CSMD1: variants seen among roughly 807,000 people sequenced by gnomAD.
The protein encoded by CSMD1 is CUB and Sushi multiple domains 1.
CSMD1 carries 213 observed loss-of-function variants against 417.5 expected under a neutral mutation model. The observed-to-expected ratio is 0.51, with a 90% CI of 0.46 to 0.57. The LOEUF is 0.57. Ranked by LOEUF, CSMD1 falls within the 20% of genes least tolerant of loss-of-function variation. CSMD1 has a pLI of 0.00. For missense variants in CSMD1, 6,923 were observed against 4,529.7 expected (o/e 1.53, Z -15.17); for synonymous variants, 2,862 against 1,736.8 (o/e 1.65, Z -16.11).
chr8:4,797,354 G>A (rs1226134528), intron 1 of CSMD1, among the ~76,000 whole-genome samples: 1 of 152,168 alleles, frequency 6.6e-6, no homozygotes, highest in African/African-American at 2.4e-5. Context: ...CAGGAGAAAG[G>A]GAGCATCTGT....
chr8:4,308,479 A>G (rs1198352488), intron 3 of CSMD1, among the ~76,000 whole-genome samples: 1 of 152,164 alleles, frequency 6.6e-6, no homozygotes, highest in East Asian at 1.9e-4. Context: ...GCGAGGGCCA[A>G]TGTGAAACAC....
At chr8:3,131,719 G>A (rs1323937567) in intron 41 of CSMD1, among the ~76,000 whole-genome samples, 2 of 152,004 alleles carry the variant, frequency 1.3e-5, no homozygotes, top group Non-Finnish European at 1.5e-5. Context: ...TGATCCACCC[G>A]CCTCGGCCTC....
chr8:4,824,660 C>A (rs941199418), intron 1 of CSMD1, among the ~76,000 whole-genome samples: 2 of 152,202 alleles, frequency 1.3e-5, no homozygotes, highest in African/African-American at 4.8e-5. Flanking sequence ...AATCTCATAA[C>A]GAAAGTGACA....
At chr8:4,196,332 G>C (rs993361825) in intron 3 of CSMD1, among the ~76,000 whole-genome samples, 4 of 152,180 alleles carry the variant, frequency 2.6e-5, no homozygotes, top group African/African-American at 7.2e-5. Flanking sequence ...ACTACAAATA[G>C]AGCGGCTTAA....
At chr8:3,866,952 C>A (rs1301526735) in intron 5 of CSMD1, among the ~76,000 whole-genome samples, 2 of 152,156 alleles carry the variant, frequency 1.3e-5, no homozygotes, top group Non-Finnish European at 2.9e-5. Flanking sequence ...TAAGTACCAC[C>A]ATTTTCATGA....
chr8:3,199,082 A>G (rs142638201), intron 33 of CSMD1, among the ~76,000 whole-genome samples: 4 of 152,368 alleles, frequency 2.6e-5, no homozygotes, highest in East Asian at 1.9e-4. Flanking sequence ...ATGCAAAACA[A>G]AAGTGAAACA....
intron 15 of CSMD1, among the ~76,000 whole-genome samples, chr8:3,401,897 A>G (rs1208109584): frequency 6.6e-6 from 1 of 152,142 alleles, no homozygotes; most frequent in Admixed American, 6.5e-5. Flanking sequence ...TTAGCTGATA[A>G]CAAAAAAAGC....
intron 1 of CSMD1, among the ~76,000 whole-genome samples, chr8:4,717,716 A>G (rs1808775860): frequency 1.3e-5 from 2 of 152,114 alleles, no homozygotes; most frequent in Admixed American, 6.6e-5. Flanking sequence ...AGAATCACAT[A>G]CAGTGGAGCC....
intron 12 of CSMD1, among the ~76,000 whole-genome samples, chr8:3,414,097 A>T (rs540498152): frequency 1.3e-5 from 2 of 150,292 alleles, no homozygotes; most frequent in South Asian, 4.2e-4. Context: ...CAAGATCGCG[A>T]CACTGCAGTC....
At chr8:4,751,505 G>C (rs538156322) in intron 1 of CSMD1, among the ~76,000 whole-genome samples, 2 of 152,112 alleles carry the variant, frequency 1.3e-5, no homozygotes, top group African/African-American at 4.8e-5. Context: ...GGAATCATGA[G>C]CTAGATAACT....
chr8:3,524,488 C>G (rs913686705), intron 10 of CSMD1, among the ~76,000 whole-genome samples: 1 of 151,764 alleles, frequency 6.6e-6, no homozygotes, highest in African/African-American at 2.4e-5. Context: ...CATGTGCACA[C>G]ACAAGTACAC....
intron 37 of CSMD1, among the ~76,000 whole-genome samples, chr8:3,176,862 T>A (rs1563113036): frequency 6.6e-6 from 1 of 151,662 alleles, no homozygotes; most frequent in Non-Finnish European, 1.5e-5. Context: ...GTCTGTAGCC[T>A]CGGCCTCCTG....
At chr8:4,271,998 C>T (rs1004657495) in intron 3 of CSMD1, among the ~76,000 whole-genome samples, 3 of 152,126 alleles carry the variant, frequency 2.0e-5, no homozygotes, top group East Asian at 1.9e-4. Context: ...TTCACATCCC[C>T]GTGAATACTC....
In CSMD1 at chr8:4,538,520, G is replaced by A. The variant is rs543373647; in HGVS notation, c.302+98822C>T. Reference sequence around the variant, plus strand: ...TAGCTGTGTGTGGTGGCAGGTGCCTGTAATCCCACCTACTTGGGAGGCTGA... The same window carrying A: ...TAGCTGTGTGTGGTGGCAGGTGCCTATAATCCCACCTACTTGGGAGGCTGA... On this transcript the variant is annotated intron_variant, in intron 2 of 69. Transcript: ENST00000635120. Among the ~76,000 whole-genome samples the A allele has an allele frequency of 3.0e-4, 45 of 152,178 alleles. No individual in the cohort carries two copies. In the East Asian group the frequency reaches 8.1e-3, roughly 28 times the overall value.
At chr8:4,441,095 G>GTTATTTTTTTTTTTTTTTTTTTTTTTTTT (rs1798443913) in intron 2 of CSMD1, among the ~76,000 whole-genome samples, 1 of 51,296 alleles carries the variant, frequency 1.9e-5, no homozygotes, top group African/African-American at 6.7e-5. Context: ...TAATCAAAAG[G>GTTATTTTTTTTTTTTTTTTTTTTTTTTTT]TTTTTTTTTT....
chr8:4,700,890 G>T (rs1238801307), intron 1 of CSMD1, among the ~76,000 whole-genome samples: 2 of 152,166 alleles, frequency 1.3e-5, no homozygotes, highest in African/African-American at 4.8e-5. Flanking sequence ...CCTGTTACAT[G>T]GAGAACAAAA....
At chr8:4,175,302 G>C (rs920543526) in intron 3 of CSMD1, among the ~76,000 whole-genome samples, 1 of 152,100 alleles carries the variant, frequency 6.6e-6, no homozygotes, top group Non-Finnish European at 1.5e-5. Context: ...TTAGGACAGT[G>C]AATCTTCCAT....
At chr8:3,762,362 GC>G (rs1428512512) in intron 5 of CSMD1, among the ~76,000 whole-genome samples, 1 of 152,156 alleles carries the variant, frequency 6.6e-6, no homozygotes, top group Non-Finnish European at 1.5e-5. Context: ...TCTCAGGGAA[GC>G]CTGCCCTGAT....
intron 62 of CSMD1, among the ~76,000 whole-genome samples, chr8:2,958,091 T>C (rs181923390): frequency 2.1e-4 from 32 of 152,320 alleles, no homozygotes; most frequent in Admixed American, 5.9e-4. Flanking sequence ...TCTTTCTTTT[T>C]TGTTTGTAAT....
Sources: gnomAD v4.1 joint callset for allele counts (sites outside exome capture counted in the v4.1 genomes callset) on GRCh38, gnomAD v4.1.1 for gene constraint, MANE v1.5 for transcripts, NCBI Gene and HGNC (gene_info 2026-07-23, HGNC 2026-07-21) for gene names.